MKNK1: variants seen among roughly 807,000 people sequenced by gnomAD.
The protein encoded by MKNK1 is MAP kinase-interacting serine/threonine-protein kinase 1.
A neutral mutation model predicts 49.3 loss-of-function variants in MKNK1; 30 were observed. That is an observed-to-expected ratio of 0.61 (90% CI 0.46 to 0.83). The LOEUF (loss-of-function observed/expected upper bound fraction) is 0.83. Among genes scored for constraint, MKNK1 ranks in the 40% least tolerant of loss-of-function variants. MKNK1 has a pLI of 0.00. For synonymous variants in MKNK1, 176 were observed against 201.7 expected, an observed-to-expected ratio of 0.87 and a Z score of 1.08; for missense variants, 423 against 524.7, an observed-to-expected ratio of 0.81 and a Z score of 1.89.
chr1:46,565,361 G>A, intron 8 of MKNK1: 1 of 555,134 alleles, frequency 1.8e-6, no homozygotes, highest in Non-Finnish European at 3.2e-6. Flanking sequence ...AAAATGGGTG[G>A]ACTATTTGGT....
At position 46,581,712 on chromosome 1, in the gene MKNK1, G is replaced by A. The variant is rs566484793; in HGVS notation, c.101-1085C>T. On this transcript the variant is annotated intron_variant, in intron 3 of 12. Transcript: ENST00000371945. ...ACCCCATACATGGAAGTCATTGGAG[G>A]CTTCTGAGAAGTCTCCAGAAGTCAC... Among the ~76,000 whole-genome samples, 11 of 152,190 alleles carry A rather than the reference G, an allele frequency of 7.2e-5. No homozygotes were observed. The South Asian group carries it at 2.1e-3, about 29-fold the overall frequency.
chr1:46,563,840 T>A lies in MKNK1; in HGVS notation c.610-997A>T, dbSNP rs978740088. ...GCGGGTGGTTCACAAGGTCAGGAGA[T>A]CGAGACCATCCTGGCTAACATGGTG... On this transcript the variant is annotated intron_variant, in intron 9 of 12. Coordinates refer to ENST00000371945, the MANE Select transcript of MKNK1 (RefSeq NM_001135553.4). 2.1e-5 allele frequency among the ~76,000 whole-genome samples: 3 copies of A among 145,784 alleles called. No homozygotes were observed. In the Admixed American group the frequency reaches 2.1e-4, roughly 10 times the overall value.
chr1:46,592,730 A>AGAG, intron 2 of MKNK1, among the ~76,000 whole-genome samples: 1 of 152,358 alleles, frequency 6.6e-6, no homozygotes, highest in Non-Finnish European at 1.5e-5. Context: ...AAATGACTGA[A>AGAG]GAAGGTGGGG....
intron 2 of MKNK1, chr1:46,584,368 C>T (rs1466036108): frequency 6.6e-6 from 1 of 152,176 alleles, no homozygotes; most frequent in East Asian, 1.9e-4. Context: ...GTCTAAATCC[C>T]CACCAGCGTG....
rs1667631398 is a variant in MKNK1 at position 46,559,895 on chromosome 1, T to C, written c.1013+339A>G. On this transcript the variant is annotated intron_variant, in intron 12 of 12. Transcript: ENST00000371945. ...CCTCACTTCTGCTCCTTTCATTAAATACAAGGGCAGAGGGAAGCCTTGTGT... is the reference window on the plus strand; with the variant it reads ...CCTCACTTCTGCTCCTTTCATTAAACACAAGGGCAGAGGGAAGCCTTGTGT... 7.5e-6 allele frequency: 3 copies of C among 401,602 alleles called. No individual in the cohort carries two copies. In the Admixed American group the frequency reaches 1.1e-4, roughly 14 times the overall value. The allele number at this position is 401,602 out of a possible 1,614,324, so 24.9% of individuals were successfully genotyped here.
chr1:46,565,487 T>G (rs796303093), intron 8 of MKNK1: 23 of 300,646 alleles, frequency 7.7e-5, no homozygotes, highest in African/African-American at 4.3e-4. Flanking sequence ...GAGACAGACT[T>G]CTTGCAGCCC....
At chr1:46,568,729 A>G (rs1669544584) in intron 7 of MKNK1, 2 of 543,388 alleles carry the variant, frequency 3.7e-6, no homozygotes, top group Non-Finnish European at 6.6e-6. Flanking sequence ...GGCAGGGATA[A>G]GAAGGGCTAA....
intron 2 of MKNK1, among the ~76,000 whole-genome samples, chr1:46,584,335 T>TA (rs1004372835): frequency 1.3e-5 from 2 of 152,190 alleles, no homozygotes; most frequent in Non-Finnish European, 2.9e-5. Context: ...TTAGAAATAA[T>TA]AAGATTTCTC....
At chr1:46,569,495 G>C (rs1669713483) in intron 7 of MKNK1, 1 of 152,250 alleles carries the variant, frequency 6.6e-6, no homozygotes, top group African/African-American at 2.4e-5. Flanking sequence ...GCAAGAGTCA[G>C]AGCTACAGTT....
Position 46,575,070 on chromosome 1 carries a change from T to C in MKNK1, c.279-50A>G, listed in dbSNP as rs368973065. On this transcript the variant is annotated intron_variant, in intron 5 of 12. Transcript: ENST00000371945. ...AGGGAAAAGGGGGGAAATGGTATTA[T>C]ATATTAAAGTCTACTTACAAATATA... is the stretch of plus-strand genomic sequence containing the variant. 5.0e-6 allele frequency: 6 copies of C among 1,201,344 alleles called. No individual in the cohort carries two copies. In the African/African-American group the frequency reaches 7.6e-5, roughly 15 times the overall value. 74.4% of individuals were successfully genotyped at this position (1,201,344 alleles called of 1,614,324 possible).
rs568296534 is a variant in MKNK1, at chr1:46,564,466, G to GTTTTTTTTTTT, written c.609+564_609+574dup. 1.7e-3 allele frequency among the ~76,000 whole-genome samples: 118 copies of GTTTTTTTTTTT among 70,164 alleles called. 16 individuals carry two copies. Among genetic ancestry groups the GTTTTTTTTTTT allele is most frequent in the African/African-American group, 3.5e-3 (51 of 14,664 alleles). 46.0% of individuals were successfully genotyped at this position (70,164 alleles called of 152,430 possible). On this transcript the variant is annotated intron_variant, in intron 9 of 12. Transcript: ENST00000371945. ...GGGCTCAGCCTGTGTTTTTTTTATT[G>GTTTTTTTTTTT]TTTTTTTTTTTTTTTTTTTTTTTTT...
chr1:46,571,548 G>C (rs1379456164), intron 7 of MKNK1: 1 of 434,434 alleles, frequency 2.3e-6, no homozygotes, highest in South Asian at 1.6e-5. Flanking sequence ...GTCTAAAAAG[G>C]AAAAAAAAGG....
chr1:46,586,925 A>C (rs1325421391), intron 2 of MKNK1, among the ~76,000 whole-genome samples: 1 of 152,204 alleles, frequency 6.6e-6, no homozygotes, highest in African/African-American at 2.4e-5. Flanking sequence ...CTCCTGCCTC[A>C]GCCTCCAGAG....
At chr1:46,594,323 C>T (rs1673762264) in intron 1 of MKNK1, 43 bp from the exon 2 acceptor site, 4 of 671,364 alleles carry the variant, frequency 6.0e-6, no homozygotes, top group Middle Eastern at 2.4e-4. Flanking sequence ...ATGCTGACTT[C>T]TTTAAAAGGA....
intron 1 of MKNK1, among the ~76,000 whole-genome samples, chr1:46,599,350 G>A (rs1174361711): frequency 1.3e-5 from 2 of 152,108 alleles, no homozygotes; most frequent in African/African-American, 4.8e-5. Context: ...TGCCTCCCCC[G>A]ACAGACCCTT....
chr1:46,577,446 A>T (rs953119186), intron 4 of MKNK1, among the ~76,000 whole-genome samples: 2 of 152,182 alleles, frequency 1.3e-5, no homozygotes, highest in African/African-American at 4.8e-5. Flanking sequence ...GTGCCATTGC[A>T]CTCCAGCCTA....
intron 1 of MKNK1, among the ~76,000 whole-genome samples, chr1:46,596,263 A>C (rs1256376345): frequency 6.6e-6 from 1 of 152,256 alleles, no homozygotes; most frequent in Non-Finnish European, 1.5e-5. Flanking sequence ...TTGTAGCTAT[A>C]TGTCAATAAA....
chr1:46,597,469 T>C (rs926842964), intron 1 of MKNK1, among the ~76,000 whole-genome samples: 1 of 152,184 alleles, frequency 6.6e-6, no homozygotes, highest in Non-Finnish European at 1.5e-5. Flanking sequence ...AAACTTCTAA[T>C]GGGTGTCCAC....
At chr1:46,600,092 C>A (rs1243996767) in intron 1 of MKNK1, among the ~76,000 whole-genome samples, 1 of 152,210 alleles carries the variant, frequency 6.6e-6, no homozygotes, top group Non-Finnish European at 1.5e-5. Flanking sequence ...CAAGGCCCAG[C>A]ATAAATTCTC....
Sources: gnomAD v4.1 joint callset for allele counts (sites outside exome capture counted in the v4.1 genomes callset) on GRCh38, gnomAD v4.1.1 for gene constraint, MANE v1.5 for transcripts, NCBI Gene and HGNC (gene_info 2026-07-23, HGNC 2026-07-21) for gene names.